The following SHD variants were observed in gnomAD, a reference collection of about 807,000 sequenced individuals.
SHD encodes the protein SH2 domain-containing adapter protein D.
SHD carries 29 observed loss-of-function variants against 31.2 expected under a neutral mutation model. That is an observed-to-expected ratio of 0.93 (90% CI 0.69 to 1.27). The LOEUF (loss-of-function observed/expected upper bound fraction) is 1.27. Among genes scored for constraint, SHD ranks in the 50% most tolerant of loss-of-function variants. SHD has a pLI of 0.00. For synonymous variants in SHD, 208 were observed against 187.8 expected, an observed-to-expected ratio of 1.11 and a Z score of -0.88; for missense variants, 520 against 453.8, an observed-to-expected ratio of 1.15 and a Z score of -1.33.
At chr19:4,286,213 T>TCTTTCTTTCTTTCTTTC (rs1568369310) in intron 4 of SHD, among the ~76,000 whole-genome samples, 55 of 117,220 alleles carry the variant, frequency 4.7e-4, no homozygotes, top group African/African-American at 2.1e-3. Flanking sequence ...TTTCTTTCTT[T>TCTTTCTTTCTTTCTTTC]CTTTCTTTCT....
chr19:4,285,071 C>T (rs1971295676), intron 4 of SHD, among the ~76,000 whole-genome samples, 167 bp downstream of exon 4: 1 of 152,172 alleles, frequency 6.6e-6, no homozygotes, highest in South Asian at 2.1e-4. Flanking sequence ...GAGCCTGCTG[C>T]GTGCCAGGCA....
chr19:4,287,601 A>T (rs1971333683), intron 4 of SHD, among the ~76,000 whole-genome samples: 1 of 151,998 alleles, frequency 6.6e-6, no homozygotes, highest in African/African-American at 2.4e-5. Context: ...CCTGGCCAAC[A>T]TGGTGAAACC....
intron 4 of SHD, among the ~76,000 whole-genome samples, chr19:4,285,889 C>CTTTTTTTTTTTTTTTTTTTTTTTTTTT (rs56142317): frequency 2.3e-5 from 2 of 87,354 alleles, no homozygotes; most frequent in Non-Finnish European, 2.0e-5. Context: ...CTTTTCCTTT[C>CTTTTTTTTTTTTTTTTTTTTTTTTTTT]TTTTTTTTTT....
Position 4,285,889 on chromosome 19 carries a change from C to CTTTT in SHD, c.716+1003_716+1006dup, listed in dbSNP as rs56142317. 2.0e-3 allele frequency among the ~76,000 whole-genome samples: 174 copies of CTTTT among 87,352 alleles called. 8 individuals are homozygous for CTTTT. Among genetic ancestry groups the CTTTT allele is most frequent in the East Asian group, 5.5e-3 (14 of 2,546 alleles). The allele number at this position is 87,352 out of a possible 152,430, so 57.3% of individuals were successfully genotyped here. A position where few individuals can be genotyped will look rare whatever the true frequency, so the allele number is the denominator to read the frequency against. On this transcript the variant is annotated intron_variant, in intron 4 of 5. Transcript: ENST00000543264. ...TCTTCTCTTTCTTTTCTTTTCCTTT[C>CTTTT]TTTTTTTTTTTTTTTTTTTTTGACA... is the stretch of plus-strand genomic sequence containing the variant.
Position 4,282,190 on chromosome 19 carries a change from C to T in SHD, c.298-680C>T, listed in dbSNP as rs1471785788. Among the ~76,000 whole-genome samples, 6 of 152,054 alleles carry T rather than the reference C, an allele frequency of 3.9e-5. 1 individual carries two copies. In the South Asian group the frequency reaches 8.3e-4, roughly 21 times the overall value. ...ATCCCAGCACTTTGAGAGGCTGAAG[C>T]GGGCGGATCATCTGAGGTCAGGAGT... On this transcript the variant is annotated intron_variant, in intron 1 of 5. Coordinates refer to ENST00000543264, the MANE Select transcript of SHD (RefSeq NM_020209.4).
chr19:4,290,393 C>A, intron 5 of SHD, 54 bp from the exon 6 acceptor site: 2 of 1,551,716 alleles, frequency 1.3e-6, no homozygotes, highest in South Asian at 1.2e-5. Flanking sequence ...GGGGATGGTG[C>A]CTTTCTGGGT....
chr19:4,279,661 G>A lies in SHD; in HGVS notation c.-403G>A, dbSNP rs1178925237. 1 of 168,990 alleles carries A rather than the reference G, an allele frequency of 5.9e-6. No individual in the cohort carries two copies. The highest frequency in any genetic ancestry group is 2.4e-5 in the African/African-American group (1 of 41,990). The allele number at this position is 168,990 out of a possible 1,614,324, so 10.5% of individuals were successfully genotyped here. ...GCCCGGATCTCCCGACCCCAGGAAG[G>A]GATCCCGGAGCTTCCTGGAGGCGGC... is the stretch of plus-strand genomic sequence containing the variant. On this transcript the variant is annotated 5_prime_UTR_variant, in exon 1 of 6. Coordinates refer to ENST00000543264, the MANE Select transcript of SHD (RefSeq NM_020209.4). This position sits in a 1 kb window ranked among gnomAD's most constrained non-coding sequence, Gnocchi z 7.5.
At chr19:4,286,979 A>G (rs1252956765) in intron 4 of SHD, among the ~76,000 whole-genome samples, 1 of 151,942 alleles carries the variant, frequency 6.6e-6, no homozygotes, top group Non-Finnish European at 1.5e-5. Context: ...ACCTGAGGTC[A>G]AGAGTTTGAG....
chr19:4,281,713 G>A (rs571691995), intron 1 of SHD, among the ~76,000 whole-genome samples: 7 of 151,998 alleles, frequency 4.6e-5, no homozygotes, highest in Admixed American at 2.0e-4. Context: ...AGCCAACATC[G>A]CGCCACTGCA....
intron 4 of SHD, among the ~76,000 whole-genome samples, chr19:4,285,889 CTTTTTTTTTT>C (rs56142317): frequency 4.6e-5 from 4 of 87,354 alleles, no homozygotes; most frequent in Admixed American, 1.6e-4. Flanking sequence ...CTTTTCCTTT[CTTTTTTTTTT>C]TTTTTTTTTT....
At chr19:4,280,714 G>A (rs1342404197) in intron 1 of SHD, among the ~76,000 whole-genome samples, 1 of 151,990 alleles carries the variant, frequency 6.6e-6, no homozygotes, top group East Asian at 1.9e-4. Flanking sequence ...TTTCAGTAGA[G>A]ACTGGTTTCA....
intron 4 of SHD, among the ~76,000 whole-genome samples, chr19:4,286,326 T>TCCTA: frequency 3.5e-5 from 5 of 141,870 alleles, no homozygotes; most frequent in African/African-American, 1.1e-4. Flanking sequence ...CTACCTTCCT[T>TCCTA]CCTTCCTTCC....
chr19:4,283,830 G>A (rs1971281755), intron 3 of SHD, among the ~76,000 whole-genome samples: 3 of 150,516 alleles, frequency 2.0e-5, no homozygotes, highest in Admixed American at 2.0e-4. Context: ...CACCCGCCTC[G>A]GCCTCCCAAA....
chr19:4,288,266 G>C lies in SHD; in HGVS notation c.740G>C (p.Arg247Thr), dbSNP rs766740559. 93 of 1,613,672 alleles carry C rather than the reference G, an allele frequency of 5.8e-5. No homozygotes were observed. The highest frequency in any genetic ancestry group is 7.3e-5 in the Non-Finnish European group (86 of 1,179,852). Residue 247 changes from arginine to threonine, a missense_variant, in exon 5 of 6, where the codon AGG (arginine) becomes ACG (threonine). Transcript: ENST00000543264. ...AGGTGGTTTCATGGCCCCCTGAACA[G>C]GGCGGATGCAGAGAGCCTCCTGTCC... Reference protein sequence around the residue: ...KQPWFHGPLNRADAESLLSLC... With the variant: ...KQPWFHGPLNTADAESLLSLC...
At chr19:4,283,268 A>G (rs765163480) in intron 3 of SHD, 26 bp downstream of exon 3, 3 of 1,593,834 alleles carry the variant, frequency 1.9e-6, no homozygotes, top group Non-Finnish European at 2.6e-6. Flanking sequence ...ACACTCTGAC[A>G]TCTGAATGCC....
At chr19:4,289,447 T>C (rs941697087) in intron 5 of SHD, among the ~76,000 whole-genome samples, 1 of 151,784 alleles carries the variant, frequency 6.6e-6, no homozygotes, top group African/African-American at 2.4e-5. Context: ...GGTTTCGCCA[T>C]GTTGGCCAGG....
At position 4,279,403 on chromosome 19, in the gene SHD, T is replaced by C. The variant is rs1342247856; in HGVS notation, c.-661T>C. On this transcript the variant is annotated 5_prime_UTR_variant, in exon 1 of 6. Transcript: ENST00000543264. The surrounding 1 kb of genome is among the most constrained non-coding windows in gnomAD (Gnocchi z 7.5). ...GTGAAGGGGGATTGGAGGAGGTTTT[T>C]ATTTCCCTTTGTGCGGGTGGCTGGG... 1 of 152,222 alleles carries C rather than the reference T, an allele frequency of 6.6e-6. No individual in the cohort carries two copies. Among genetic ancestry groups the C allele is most frequent in the Non-Finnish European group, 1.5e-5 (1 of 68,102 alleles). The allele number at this position is 152,222 out of a possible 1,614,324, so 9.4% of individuals were successfully genotyped here.
At position 4,290,594 on chromosome 19, in the gene SHD, T is replaced by A. The variant is rs199704298; in HGVS notation, c.984T>A (p.His328Gln). ...SRPLPVQGAE[H>Q]LALLYPVVTQ... ...CACTGCCGGTGCAGGGTGCCGAGCA[T>A]CTGGCTCTGCTGTACCCCGTGGTCA... Residue 328 changes from histidine (H) to glutamine (Q), a missense_variant, in exon 6 of 6, where the codon CAT (histidine) becomes CAA (glutamine). By Grantham distance (24) the His-to-Gln change is conservative (BLOSUM62 0). Transcript: ENST00000543264. 95 of 1,613,260 alleles carry A rather than the reference T, an allele frequency of 5.9e-5. 1 individual carries two copies. In the African/African-American group the frequency reaches 1.1e-3, roughly 19 times the overall value.
chr19:4,288,867 A>T (rs1270599449), intron 5 of SHD, among the ~76,000 whole-genome samples: 1 of 152,044 alleles, frequency 6.6e-6, no homozygotes, highest in Non-Finnish European at 1.5e-5. Flanking sequence ...TGAGCGCGGC[A>T]GCTGACGTCT....
Sources: gnomAD v4.1 joint callset for allele counts (sites outside exome capture counted in the v4.1 genomes callset) on GRCh38, gnomAD v4.1.1 for gene constraint, Gnocchi (gnomAD v3.1) non-coding constraint, MANE v1.5 for transcripts, NCBI Gene and HGNC (gene_info 2026-07-23, HGNC 2026-07-21) for gene names.